Variants in MSL3B observed in about 807,000 individuals in gnomAD.
MSL3B encodes the protein MSL complex subunit 3B, also known as MSL complex subunit 3 pseudogene 1.
the MSL3B span, chr2:233,866,545 C>T: frequency 1.0e-6 from 1 of 998,280 alleles, no homozygotes; most frequent in Admixed American, 1.7e-5. Flanking sequence ...GCAGGAACAG[C>T]TTGGGCACAC....
the MSL3B span, chr2:233,866,638 C>T: frequency 1.3e-5 from 10 of 794,348 alleles, no homozygotes; most frequent in East Asian, 1.7e-4. Context: ...CGGTGTGGGG[C>T]GAGGACCGCC....
At chr2:233,865,423 T>C in the MSL3B span, 4 of 151,688 alleles carry the variant, frequency 2.6e-5, no homozygotes, top group South Asian at 2.1e-4. Flanking sequence ...TCTGTAGTTA[T>C]GACTCCAAGT....
the MSL3B span, among the ~76,000 whole-genome samples, chr2:233,864,730 C>T: frequency 3.3e-5 from 5 of 152,182 alleles, no homozygotes; most frequent in African/African-American, 1.2e-4. Context: ...TTAACCAATG[C>T]TGAAAATTAT....
chr2:233,867,115 C>T, the MSL3B span: 1 of 893,176 alleles, frequency 1.1e-6, no homozygotes, highest in Admixed American at 1.7e-5. Flanking sequence ...ACCGTTTCCT[C>T]CGATTAATGT....
chr2:233,866,732 T>C, the MSL3B span: 7 of 795,358 alleles, frequency 8.8e-6, no homozygotes, highest in Admixed American at 8.5e-5. Flanking sequence ...CTCTGTAGAC[T>C]GCGGCCTGGA....
At chr2:233,867,186 T>G in the MSL3B span, 18 of 779,976 alleles carry the variant, frequency 2.3e-5, no homozygotes, top group African/African-American at 2.5e-4. Context: ...GTTACTGTTC[T>G]TTCTTCCATT....
the MSL3B span, chr2:233,866,019 G>A: frequency 2.6e-6 from 1 of 385,860 alleles, no homozygotes; most frequent in Non-Finnish European, 5.0e-6. Flanking sequence ...AAGCCCCCTG[G>A]TGGGCACTTT....
At chr2:233,866,335 T>C in the MSL3B span, 1 of 809,710 alleles carries the variant, frequency 1.2e-6, no homozygotes, top group East Asian at 2.5e-5. Flanking sequence ...GCAGCAAATG[T>C]TGCGCCCCGT....
the MSL3B span, chr2:233,866,500 T>C: frequency 4.0e-6 from 5 of 1,235,280 alleles, no homozygotes; most frequent in Non-Finnish European, 6.0e-6. Flanking sequence ...TAGGTGAAGA[T>C]GATCTGCTAT....
chr2:233,868,221 C>G, the MSL3B span: 1 of 444,152 alleles, frequency 2.3e-6, no homozygotes, highest in Non-Finnish European at 4.7e-6. Flanking sequence ...CCAACAATAA[C>G]ATTAACAATC....
chr2:233,868,043 C>T, the MSL3B span: 1 of 242,048 alleles, frequency 4.1e-6, no homozygotes, highest in South Asian at 6.0e-5. Context: ...CCCGCCTCCG[C>T]CTCCCAAAAT....
the MSL3B span, chr2:233,866,724 C>CT: frequency 3.8e-6 from 3 of 793,770 alleles, no homozygotes; most frequent in Non-Finnish European, 7.0e-6. Flanking sequence ...GACTGACTCT[C>CT]TGTAGACTGC....
At chr2:233,865,016 G>A in the MSL3B span, among the ~76,000 whole-genome samples, 1 of 152,130 alleles carries the variant, frequency 6.6e-6, no homozygotes, top group Non-Finnish European at 1.5e-5. Flanking sequence ...TTCTCTCACA[G>A]TATTATCACT....
chr2:233,866,320 C>A, the MSL3B span: 3 of 800,748 alleles, frequency 3.7e-6, no homozygotes, highest in South Asian at 2.7e-5. Flanking sequence ...GTTTGACAAA[C>A]AATCGCAGCA....
the MSL3B span, chr2:233,867,076 G>T: frequency 8.5e-7 from 1 of 1,181,460 alleles, no homozygotes; most frequent in Non-Finnish European, 1.3e-6. Flanking sequence ...AAATCGTTAT[G>T]ATGTTGGTGT....
chr2:233,867,436 C>G, the MSL3B span: 1 of 453,244 alleles, frequency 2.2e-6, no homozygotes, highest in African/African-American at 2.0e-5. Context: ...TACAGCATTT[C>G]TTGCCAATTT....
chr2:233,866,345 T>A, the MSL3B span: 1 of 827,302 alleles, frequency 1.2e-6, no homozygotes, highest in Non-Finnish European at 2.1e-6. Flanking sequence ...TTGCGCCCCG[T>A]AAATGTAAGA....
chr2:233,866,149 G>T, the MSL3B span: 2 of 612,418 alleles, frequency 3.3e-6, no homozygotes, highest in Admixed American at 3.7e-5. Context: ...CTGCCTGGGG[G>T]TTCCTGGTGC....
chr2:233,867,326 T>C, the MSL3B span: 1 of 675,338 alleles, frequency 1.5e-6, no homozygotes, highest in Non-Finnish European at 2.7e-6. Context: ...TTCATCATTT[T>C]CATTTTTTTC....
Sources: gnomAD v4.1 joint callset for allele counts (sites outside exome capture counted in the v4.1 genomes callset) on GRCh38, gnomAD v4.1.1 for gene constraint, MANE v1.5 for transcripts, NCBI Gene and HGNC (gene_info 2026-07-23, HGNC 2026-07-21) for gene names.